RAP1GDS1: variants seen among roughly 807,000 people sequenced by gnomAD.
RAP1GDS1 encodes the protein Rap1 GTPase-GDP dissociation stimulator 1.
A neutral mutation model predicts 71.1 loss-of-function variants in RAP1GDS1; 35 were observed. The observed-to-expected ratio is 0.49, with a 90% CI of 0.38 to 0.65. The LOEUF (loss-of-function observed/expected upper bound fraction) is 0.65, where lower values mean the gene tolerates loss of function less well. RAP1GDS1 is among the 30% of genes least tolerant of loss of function. The probability of loss-of-function intolerance (pLI) is 0.00; values close to 1 mark genes in which losing one functional copy is unlikely to be tolerated. For missense variants in RAP1GDS1, 663 were observed against 706.1 expected (o/e 0.94, Z 0.69); for synonymous variants, 229 against 243.1 (o/e 0.94, Z 0.54).
At chr4:98,420,566 T>C (rs1748702228) in intron 11 of RAP1GDS1, among the ~76,000 whole-genome samples, 1 of 152,038 alleles carries the variant, frequency 6.6e-6, no homozygotes, top group Non-Finnish European at 1.5e-5. Flanking sequence ...TGGGGCTTGT[T>C]GCTCAGGCTG....
Position 98,418,643 on chromosome 4 carries a change from GTT to G in RAP1GDS1, c.1040-5_1040-4del. On this transcript the variant is annotated splice_polypyrimidine_tract_variant and intron_variant, in intron 9 of 14. Coordinates refer to ENST00000408927, the MANE Select transcript of RAP1GDS1 (RefSeq NM_001100427.2). ...TTTAAAGAGGAAGAAAAAGATGTGT[GTT>G]TTTTTTTTCAGATGCAAATTGTATT... 3 of 1,384,746 alleles carry G rather than the reference GTT, an allele frequency of 2.2e-6. No individual in the cohort carries two copies. The highest frequency in any genetic ancestry group is 2.6e-5 in the East Asian group (1 of 38,202). 85.8% of individuals were successfully genotyped at this position (1,384,746 alleles called of 1,614,324 possible).
intron 1 of RAP1GDS1, among the ~76,000 whole-genome samples, chr4:98,287,180 A>G (rs919028): frequency 5.3e-5 from 8 of 152,108 alleles, no homozygotes; most frequent in African/African-American, 9.7e-5. Context: ...GGAATTTTCA[A>G]TCTAATAGTA....
chr4:98,421,435 T>G (rs755089786), intron 12 of RAP1GDS1, 41 bp downstream of exon 12: 1 of 1,524,190 alleles, frequency 6.6e-7, no homozygotes, highest in South Asian at 1.3e-5. Flanking sequence ...AACTTCAGAG[T>G]GTCTTTTTCA....
chr4:98,353,644 A>G (rs931542633), intron 4 of RAP1GDS1, among the ~76,000 whole-genome samples: 2 of 152,340 alleles, frequency 1.3e-5, no homozygotes, highest in Middle Eastern at 3.4e-3. Context: ...TACAATAGCC[A>G]TAAGTATTGA....
intron 1 of RAP1GDS1, 24 bp downstream of exon 1, chr4:98,261,593 C>T (rs1316560011): frequency 6.3e-7 from 1 of 1,596,648 alleles, no homozygotes; most frequent in Non-Finnish European, 8.6e-7. Context: ...CCTCCGCCGT[C>T]ATCGCCTGAC....
intron 5 of RAP1GDS1, among the ~76,000 whole-genome samples, chr4:98,387,101 T>C (rs1742880480): frequency 6.6e-6 from 1 of 152,186 alleles, no homozygotes; most frequent in Non-Finnish European, 1.5e-5. Context: ...TGCAAGCCTG[T>C]AAATGGCAAT....
At chr4:98,316,960 T>C (rs908504200) in intron 2 of RAP1GDS1, among the ~76,000 whole-genome samples, 5 of 152,182 alleles carry the variant, frequency 3.3e-5, no homozygotes, top group African/African-American at 7.2e-5. Context: ...AAGTCTTTAA[T>C]TGGCTGTCGT....
chr4:98,435,213 G>A (rs1045324964), intron 13 of RAP1GDS1, among the ~76,000 whole-genome samples: 1 of 152,076 alleles, frequency 6.6e-6, no homozygotes, highest in South Asian at 2.1e-4. Flanking sequence ...CTCACACTGG[G>A]GCGAATGGAC....
chr4:98,261,674 C>G, intron 1 of RAP1GDS1, 105 bp downstream of exon 1: 1 of 1,383,850 alleles, frequency 7.2e-7, no homozygotes, highest in South Asian at 1.3e-5. Flanking sequence ...TTTCTCCAGT[C>G]CCCGGGTGTG....
intron 2 of RAP1GDS1, among the ~76,000 whole-genome samples, chr4:98,295,472 G>T (rs564435268): frequency 7.6e-4 from 116 of 152,136 alleles, no homozygotes; most frequent in Non-Finnish European, 1.4e-3. Flanking sequence ...CCTGTCATTG[G>T]ATCACTTACT....
At chr4:98,321,027 A>C (rs1341699418) in intron 2 of RAP1GDS1, among the ~76,000 whole-genome samples, 7 of 142,028 alleles carry the variant, frequency 4.9e-5, no homozygotes, top group African/African-American at 1.9e-4. Flanking sequence ...CTTTGAAAAA[A>C]ATTTAGAAGA....
chr4:98,416,571 C>T (rs955642045), intron 7 of RAP1GDS1, among the ~76,000 whole-genome samples, 174 bp from the exon 8 acceptor site: 10 of 151,450 alleles, frequency 6.6e-5, no homozygotes, highest in Non-Finnish European at 1.2e-4. Context: ...AGGATGGTCT[C>T]GATCTCCTGA....
chr4:98,320,553 C>G (rs1172377203), intron 2 of RAP1GDS1, among the ~76,000 whole-genome samples: 1 of 152,024 alleles, frequency 6.6e-6, no homozygotes. Context: ...AGTGGTTCTC[C>G]CAGCACGCAG....
chr4:98,329,474 T>C (rs1402524082), intron 2 of RAP1GDS1, among the ~76,000 whole-genome samples: 21 of 152,264 alleles, frequency 1.4e-4, no homozygotes, highest in African/African-American at 4.8e-4. Flanking sequence ...AATCTTAAAG[T>C]TATTAGAAAC....
rs548502610 is a variant in RAP1GDS1, at chr4:98,385,658, T to G, written c.509-6294T>G. Among the ~76,000 whole-genome samples the G allele has an allele frequency of 7.9e-5, 12 of 152,030 alleles. No homozygotes were observed. The East Asian group carries it at 2.3e-3, about 29-fold the overall frequency. On this transcript the variant is annotated intron_variant, in intron 5 of 14. Coordinates refer to ENST00000408927, the MANE Select transcript of RAP1GDS1 (RefSeq NM_001100427.2). ...TATTGTTTTATTTACTAAAAAATTT[T>G]TAAGTCCTACTTGAAAAACTAGAAA...
intron 6 of RAP1GDS1, 40 bp from the exon 7 acceptor site, chr4:98,404,436 TG>T: frequency 1.3e-6 from 2 of 1,533,076 alleles, no homozygotes; most frequent in South Asian, 1.2e-5. Context: ...AAACAGTTTC[TG>T]GACTTTATTT....
intron 7 of RAP1GDS1, among the ~76,000 whole-genome samples, chr4:98,416,244 C>T (rs2110181681): frequency 7.0e-6 from 1 of 142,918 alleles, no homozygotes; most frequent in East Asian, 2.1e-4. Context: ...TGAAATAAAG[C>T]TTTTTTGTAT....
At chr4:98,289,754 A>T (rs1726650038) in intron 1 of RAP1GDS1, among the ~76,000 whole-genome samples, 1 of 152,080 alleles carries the variant, frequency 6.6e-6, no homozygotes, top group African/African-American at 2.4e-5. Context: ...GTAAAACATA[A>T]TATTCAAGAG....
At chr4:98,411,041 G>A (rs539807349) in intron 7 of RAP1GDS1, among the ~76,000 whole-genome samples, 1 of 152,210 alleles carries the variant, frequency 6.6e-6, no homozygotes, top group Admixed American at 6.5e-5. Flanking sequence ...GCACTTCTCT[G>A]CATTTGTGGT....
Sources: allele counts gnomAD v4.1 joint callset (sites outside exome capture counted in the v4.1 genomes callset), GRCh38; gene constraint gnomAD v4.1.1; transcripts MANE v1.5; gene names NCBI Gene and HGNC (gene_info 2026-07-23, HGNC 2026-07-21).